The following DNAH9 variants were observed in gnomAD, a reference collection of about 807,000 sequenced individuals.
The protein encoded by DNAH9 is DNAH9 variant protein.
Under a neutral mutation model 471.6 loss-of-function variants are expected in DNAH9, and 345 were observed. The observed-to-expected ratio is 0.73, with a 90% CI of 0.67 to 0.80. DNAH9 has a LOEUF of 0.80. Among genes scored for constraint, DNAH9 ranks in the 30% least tolerant of loss-of-function variants. DNAH9 has a pLI of 0.00. For missense variants in DNAH9, 5,407 were observed against 5,609.2 expected (o/e 0.96, Z 1.15); for synonymous variants, 2,093 against 2,123.6 (o/e 0.99, Z 0.40).
intron 67 of DNAH9, among the ~76,000 whole-genome samples, chr17:11,943,284 G>C (rs1975003057): frequency 1.3e-5 from 2 of 152,158 alleles, no homozygotes; most frequent in South Asian, 4.1e-4. Context: ...CCTTCATCAT[G>C]TCTGTCTCTT....
chr17:11,770,203 G>A (rs62063188), intron 38 of DNAH9, among the ~76,000 whole-genome samples: 13,489 of 152,258 alleles, frequency 0.089, 654 homozygotes, highest in South Asian at 0.11. Flanking sequence ...CTCGTTATCC[G>A]CTACATCACC....
At chr17:11,778,391 G>A (rs907211063) in intron 38 of DNAH9, among the ~76,000 whole-genome samples, 1 of 150,714 alleles carries the variant, frequency 6.6e-6, no homozygotes, top group African/African-American at 2.4e-5. Context: ...AGAGAAACGG[G>A]GTGCCTGGAG....
rs947126256 is a variant in DNAH9, at chr17:11,884,320, C to T, written c.10971+570C>T. 15 of 247,328 alleles carry T rather than the reference C, an allele frequency of 6.1e-5. No homozygotes were observed. In the Admixed American group the frequency reaches 7.0e-4, roughly 12 times the overall value. The allele number at this position is 247,328 out of a possible 1,614,324, so 15.3% of individuals were successfully genotyped here. A position where few individuals can be genotyped will look rare whatever the true frequency, so the allele number is the denominator to read the frequency against. On this transcript the variant is annotated intron_variant, in intron 56 of 68. Transcript: ENST00000262442. ...ATAATGTTTGGAAGGCCCTCGGTCCCCCCTGTGAGGACTAGAAGACGGGGT... is the reference window on the plus strand; with the variant it reads ...ATAATGTTTGGAAGGCCCTCGGTCCTCCCTGTGAGGACTAGAAGACGGGGT...
intron 15 of DNAH9, 53 bp downstream of exon 15, chr17:11,665,021 C>T (rs2150721427): frequency 6.5e-7 from 1 of 1,530,062 alleles, no homozygotes; most frequent in East Asian, 2.3e-5. Flanking sequence ...ACAACAGTAA[C>T]ATTTGTTGAA....
intron 6 of DNAH9, among the ~76,000 whole-genome samples, chr17:11,624,980 A>T (rs1425971423): frequency 6.6e-6 from 1 of 152,164 alleles, no homozygotes; most frequent in Non-Finnish European, 1.5e-5. Context: ...AAATCTTTGC[A>T]ATTTGAATGA....
chr17:11,936,207 C>T (rs868317748), intron 65 of DNAH9, among the ~76,000 whole-genome samples: 1 of 152,162 alleles, frequency 6.6e-6, no homozygotes, highest in Admixed American at 6.5e-5. Flanking sequence ...ACATACAGAT[C>T]GGCCCTTGAG....
chr17:11,759,340 C>G (rs976128130), intron 35 of DNAH9, among the ~76,000 whole-genome samples: 1 of 151,918 alleles, frequency 6.6e-6, no homozygotes, highest in African/African-American at 2.4e-5. Context: ...TATATACCTA[C>G]TGTTTAGCTC....
chr17:11,727,164 G>T (rs1195320753), intron 27 of DNAH9, among the ~76,000 whole-genome samples: 1 of 150,312 alleles, frequency 6.7e-6, no homozygotes, highest in Non-Finnish European at 1.5e-5. Flanking sequence ...CCTTGTGAGT[G>T]TCTCCCAGGA....
chr17:11,834,661 G>C lies in DNAH9; in HGVS notation c.9270G>C (p.Leu3090=), dbSNP rs746336538. 3.1e-6 allele frequency: 5 copies of C among 1,614,098 alleles called. No homozygotes were observed. In the South Asian group the frequency reaches 5.5e-5, roughly 18 times the overall value. The change falls in exon 49 of 69, where the codon CTG becomes CTC. Residue 3090 remains leucine (L), a synonymous_variant. Transcript: ENST00000262442. Reference sequence around the variant, plus strand: ...AGGTGGATGATCTGAAAGCAAAGCTGGCTGCCCAGGAAGTAGAGCTGAAGC... The same window carrying C: ...AGGTGGATGATCTGAAAGCAAAGCTCGCTGCCCAGGAAGTAGAGCTGAAGC... ...SAQVDDLKAK[L]AAQEVELKQK...
At chr17:11,934,732 G>A (rs1455263331) in intron 65 of DNAH9, among the ~76,000 whole-genome samples, 1 of 152,070 alleles carries the variant, frequency 6.6e-6, no homozygotes, top group Non-Finnish European at 1.5e-5. Context: ...GATTACAGGC[G>A]TGAGCCGCCG....
rs773842478 is a variant in DNAH9, at chr17:11,805,523, C to CTTTTTTT, written c.8421-2173_8421-2167dup. On this transcript the variant is annotated intron_variant, in intron 43 of 68. Coordinates refer to ENST00000262442, the MANE Select transcript of DNAH9 (RefSeq NM_001372.4). ...TATTTGGCCAAACTTTACCCGAGTT[C>CTTTTTTT]TTTTTTTTTTTTTTTTTTTTTTTTT... Among the ~76,000 whole-genome samples, 165 of 52,076 alleles carry CTTTTTTT rather than the reference C, an allele frequency of 3.2e-3. 21 individuals are homozygous for CTTTTTTT. The highest frequency in any genetic ancestry group is 0.011 in the East Asian group (11 of 972). The allele number at this position is 52,076 out of a possible 152,430, so 34.2% of individuals were successfully genotyped here.
chr17:11,717,330 C>T (rs1162691130), intron 26 of DNAH9, among the ~76,000 whole-genome samples: 3 of 151,272 alleles, frequency 2.0e-5, no homozygotes, highest in Non-Finnish European at 2.9e-5. Context: ...CCCTGGAGTT[C>T]GAAACTAGCC....
At chr17:11,672,745 C>A (rs2073991721) in intron 17 of DNAH9, among the ~76,000 whole-genome samples, 1 of 152,152 alleles carries the variant, frequency 6.6e-6, no homozygotes, top group South Asian at 2.1e-4. Flanking sequence ...ACGCCCTTCA[C>A]TCTACCATAC....
At chr17:11,665,044 GC>G in intron 15 of DNAH9, 76 bp downstream of exon 15, 1 of 1,313,690 alleles carries the variant, frequency 7.6e-7, no homozygotes, top group Non-Finnish European at 1.1e-6. Flanking sequence ...ATATTGAAGA[GC>G]AGCTGAGTGC....
At chr17:11,704,825 C>A (rs113407156) in intron 25 of DNAH9, among the ~76,000 whole-genome samples, 200 bp from the exon 26 acceptor site, 1,544 of 152,258 alleles carry the variant, frequency 0.01, 27 homozygotes, top group African/African-American at 0.034. Flanking sequence ...TCGGGTGATC[C>A]GCCTGCCTTG....
chr17:11,921,050 A>T (rs890278714), intron 61 of DNAH9, among the ~76,000 whole-genome samples: 3 of 152,094 alleles, frequency 2.0e-5, no homozygotes, highest in Admixed American at 6.5e-5. Flanking sequence ...CTGAGGCAGG[A>T]GGATCGCTTG....
At chr17:11,929,324 G>C (rs977091140) in intron 62 of DNAH9, among the ~76,000 whole-genome samples, 21 of 152,060 alleles carry the variant, frequency 1.4e-4, no homozygotes, top group Admixed American at 1.3e-3. Flanking sequence ...GTTAGCCACC[G>C]TGCCTGGCCG....
chr17:11,694,586 A>C (rs2150759541), intron 22 of DNAH9, 139 bp downstream of exon 22: 1 of 708,030 alleles, frequency 1.4e-6, no homozygotes, highest in South Asian at 2.3e-5. Flanking sequence ...CCCCAGCATC[A>C]TCACATACCT....
At chr17:11,949,659 T>A (rs1975288437) in intron 67 of DNAH9, among the ~76,000 whole-genome samples, 1 of 152,132 alleles carries the variant, frequency 6.6e-6, no homozygotes, top group South Asian at 2.1e-4. Context: ...TTTTGTATTT[T>A]CAGTAGAGAG....
Sources: gnomAD v4.1 joint callset for allele counts (sites outside exome capture counted in the v4.1 genomes callset) on GRCh38, gnomAD v4.1.1 for gene constraint, MANE v1.5 for transcripts, NCBI Gene and HGNC (gene_info 2026-07-23, HGNC 2026-07-21) for gene names.